ALPL: variants seen among roughly 807,000 people sequenced by gnomAD.
The protein encoded by ALPL is alkaline phosphatase, tissue-nonspecific isozyme.
Under a neutral mutation model 51.3 loss-of-function variants are expected in ALPL, and 42 were observed. That is an observed-to-expected ratio of 0.82 (90% CI 0.64 to 1.06). The LOEUF is 1.06. Among genes scored for constraint, ALPL ranks in the 50% least tolerant of loss-of-function variants. The pLI is 0.00. For synonymous variants in ALPL, 279 were observed against 296.4 expected, an observed-to-expected ratio of 0.94 and a Z score of 0.60; for missense variants, 589 against 709.4, an observed-to-expected ratio of 0.83 and a Z score of 1.93.
chr1:21,566,618 C>T (rs1201536788), intron 6 of ALPL, among the ~76,000 whole-genome samples: 1 of 151,046 alleles, frequency 6.6e-6, no homozygotes, highest in African/African-American at 2.4e-5. Flanking sequence ...GAGACAGGGT[C>T]TCACTCTGTT....
chr1:21,570,526 G>A, intron 8 of ALPL, 152 bp downstream of exon 8: 1 of 760,238 alleles, frequency 1.3e-6, no homozygotes, highest in South Asian at 1.7e-5. Flanking sequence ...CAAGGAAGGG[G>A]GTTCTGGTTC....
chr1:21,562,919 A>G (rs1644504858), intron 4 of ALPL, among the ~76,000 whole-genome samples, 191 bp from the exon 5 acceptor site: 1 of 152,134 alleles, frequency 6.6e-6, no homozygotes, highest in Non-Finnish European at 1.5e-5. Flanking sequence ...GGTGCAGGGA[A>G]TGATGGCAGG....
In ALPL at chr1:21,564,115, G is replaced by C; in HGVS notation, c.547G>C (p.Asp183His). Residue 183 changes from aspartate (D) to histidine (H), a missense_variant, in exon 6 of 12, where the codon GAC becomes CAC. Coordinates refer to ENST00000374840, the MANE Select transcript of ALPL (RefSeq NM_000478.6). This position sits in a 1 kb window ranked among gnomAD's most constrained non-coding sequence, Gnocchi z 5.8. ...TPSAAYAHSA[D>H]RDWYSDNEMP... ...CAGCGCCGCCTACGCCCACTCGGCT[G>C]ACCGGGACTGGTACTCAGACAACGA... The C allele has an allele frequency of 6.2e-7, 1 of 1,614,084 alleles. No individual in the cohort carries two copies. Among genetic ancestry groups the C allele is most frequent in the Non-Finnish European group, 8.5e-7 (1 of 1,180,020 alleles).
intron 1 of ALPL, among the ~76,000 whole-genome samples, chr1:21,523,086 G>C (rs973284591): frequency 6.6e-6 from 1 of 152,098 alleles, no homozygotes; most frequent in African/African-American, 2.4e-5. Context: ...AGGAGTTTGA[G>C]ACCAGCATGG....
chr1:21,539,759 A>G (rs4654962), intron 1 of ALPL, among the ~76,000 whole-genome samples: 21,754 of 149,554 alleles, frequency 0.15, 2,058 homozygotes, highest in East Asian at 0.5. Flanking sequence ...AGTTCACACC[A>G]TTCTCCTGCC....
chr1:21,557,519 T>C (rs962288772), intron 2 of ALPL, among the ~76,000 whole-genome samples: 3 of 152,208 alleles, frequency 2.0e-5, no homozygotes, highest in Non-Finnish European at 4.4e-5. Context: ...GGGTGAAAGA[T>C]GAACTAATGG....
At chr1:21,563,713 A>T (rs1035085004) in intron 5 of ALPL, among the ~76,000 whole-genome samples, 1 of 152,194 alleles carries the variant, frequency 6.6e-6, no homozygotes, top group African/African-American at 2.4e-5. Flanking sequence ...GACAAGGCCA[A>T]CATACAGGTG....
intron 1 of ALPL, among the ~76,000 whole-genome samples, chr1:21,516,842 C>A (rs1553404660): frequency 6.6e-6 from 1 of 152,118 alleles, no homozygotes; most frequent in Non-Finnish European, 1.5e-5. Flanking sequence ...TTTTGCTTTT[C>A]CCCATGACCT....
At chr1:21,561,814 G>GCGC in intron 4 of ALPL, among the ~76,000 whole-genome samples, 1 of 152,038 alleles carries the variant, frequency 6.6e-6, no homozygotes, top group East Asian at 1.9e-4. Flanking sequence ...TTACAGGCAT[G>GCGC]CGCCACCATG....
chr1:21,554,124 A>C lies in ALPL; in HGVS notation c.43A>C (p.Thr15Pro), dbSNP rs1241484434. The C allele has an allele frequency of 6.2e-7, 1 of 1,612,708 alleles. No individual in the cohort carries two copies. Residue 15 changes from threonine to proline, a missense_variant, in exon 2 of 12, where the codon ACT becomes CCT. Transcript: ENST00000374840. ...FLVLAIGTCL[T>P]NSLVPEKEKD... ...AGTACTGGCCATTGGCACCTGCCTT[A>C]CTAACTCCTTAGTGCCAGGTATGCT...
At chr1:21,535,483 G>A (rs1363483442) in intron 1 of ALPL, among the ~76,000 whole-genome samples, 1 of 152,174 alleles carries the variant, frequency 6.6e-6, no homozygotes, top group Admixed American at 6.5e-5. Context: ...GTGGTGCTGT[G>A]CGCCGGTGGT....
chr1:21,524,514 G>GA (rs541274166), intron 1 of ALPL, among the ~76,000 whole-genome samples: 183 of 150,860 alleles, frequency 1.2e-3, no homozygotes, highest in African/African-American at 3.8e-3. Context: ...AAAAATATAA[G>GA]AAAAAAAAAT....
intron 1 of ALPL, among the ~76,000 whole-genome samples, chr1:21,513,022 G>A (rs1643722292): frequency 1.3e-5 from 2 of 152,016 alleles, no homozygotes; most frequent in South Asian, 2.1e-4. Context: ...ACAAAAAGTC[G>A]TAGTGTTCTT....
chr1:21,563,067 G>A (rs767700585), intron 4 of ALPL, 43 bp from the exon 5 acceptor site: 2 of 1,611,218 alleles, frequency 1.2e-6, no homozygotes, highest in Admixed American at 3.3e-5. Flanking sequence ...TGCCACTGGG[G>A]CGAAGGCCTG....
Position 21,554,012 on chromosome 1 carries a change from G to GCCCCCCCCCC in ALPL, c.-67_-66insCCCCCCCCCC. Reference sequence around the variant, plus strand: ...ATCAGTTAACATCTGACCACTGCCAGCCCACCCCCTCCCACCCACGTCGAT... The same window carrying GCCCCCCCCCC: ...ATCAGTTAACATCTGACCACTGCCAGCCCCCCCCCCCCCACCCCCTCCCACCCACGTCGAT... On this transcript the variant is annotated 5_prime_UTR_variant, in exon 2 of 12. Transcript: ENST00000374840. 2.0e-6 allele frequency: 2 copies of GCCCCCCCCCC among 995,212 alleles called. No individual in the cohort carries two copies. The highest frequency in any genetic ancestry group is 1.6e-6 in the Non-Finnish European group (1 of 623,796). The allele number at this position is 995,212 out of a possible 1,614,324, so 61.6% of individuals were successfully genotyped here. A position where few individuals can be genotyped will look rare whatever the true frequency, so the allele number is the denominator to read the frequency against.
chr1:21,525,882 G>A (rs1161290719), intron 1 of ALPL, among the ~76,000 whole-genome samples: 9 of 152,106 alleles, frequency 5.9e-5, no homozygotes, highest in East Asian at 5.9e-4. Context: ...CAGCTACTCC[G>A]GAGGCTGAGG....
chr1:21,534,961 T>C (rs941832236), intron 1 of ALPL, among the ~76,000 whole-genome samples: 1 of 152,228 alleles, frequency 6.6e-6, no homozygotes, highest in Non-Finnish European at 1.5e-5. Context: ...TTTTCCCCGC[T>C]GTACTTACCG....
At chr1:21,530,979 G>T (rs1644022468) in intron 1 of ALPL, among the ~76,000 whole-genome samples, 1 of 129,400 alleles carries the variant, frequency 7.7e-6, no homozygotes. Flanking sequence ...TTTTTTTGGA[G>T]ACAGAGTCTT....
rs771240396 is a variant in ALPL, at chr1:21,561,182, G to A, written c.267G>A (p.Met89Ile). 8.1e-6 allele frequency: 13 copies of A among 1,613,086 alleles called. No homozygotes were observed. Among genetic ancestry groups the A allele is most frequent in the Non-Finnish European group, 1.7e-6 (2 of 1,179,694 alleles). ...HNPGEETRLE[M>I]DKFPFVALSK... ...CTGGGGAGGAGACCAGGCTGGAGAT[G>A]GACAAGTTCCCCTTCGTGGCCCTCT... Residue 89 changes from methionine to isoleucine, a missense_variant, in exon 4 of 12, where the codon ATG becomes ATA. Physicochemically the swap from Met to Ile is conservative, Grantham distance 10 (BLOSUM62 1). Transcript: ENST00000374840.
Sources: gnomAD v4.1 joint callset for allele counts (sites outside exome capture counted in the v4.1 genomes callset) on GRCh38, gnomAD v4.1.1 for gene constraint, Gnocchi (gnomAD v3.1) non-coding constraint, MANE v1.5 for transcripts, NCBI Gene and HGNC (gene_info 2026-07-23, HGNC 2026-07-21) for gene names.